The following FRMD4A variants were observed in gnomAD, a reference collection of about 807,000 sequenced individuals.
The protein encoded by FRMD4A is FERM domain containing 4A.
A neutral mutation model predicts 129.1 loss-of-function variants in FRMD4A; 29 were observed. That is an observed-to-expected ratio of 0.22 (90% CI 0.17 to 0.31). FRMD4A has a LOEUF of 0.31. Ranked by LOEUF, FRMD4A falls within the 10% of genes least tolerant of loss-of-function variation. The pLI is 1.00. For synonymous variants in FRMD4A, 634 were observed against 571.6 expected (o/e 1.11, Z -1.56); for missense variants, 1,272 against 1,375.8 (o/e 0.92, Z 1.19).
intron 2 of FRMD4A, among the ~76,000 whole-genome samples, chr10:13,923,045 T>A (rs1300160588): frequency 6.6e-6 from 1 of 152,138 alleles, no homozygotes; most frequent in Non-Finnish European, 1.5e-5. Context: ...CCTAGGGTAA[T>A]CATGTATTTT....
intron 2 of FRMD4A, among the ~76,000 whole-genome samples, chr10:14,071,276 A>T (rs1835305906): frequency 6.6e-6 from 1 of 152,206 alleles, no homozygotes; most frequent in African/African-American, 2.4e-5. Context: ...TCTCTAAGAG[A>T]CCAAGATTAA....
intron 2 of FRMD4A, among the ~76,000 whole-genome samples, chr10:14,009,097 G>A (rs1231178495): frequency 6.6e-6 from 1 of 152,126 alleles, no homozygotes; most frequent in Non-Finnish European, 1.5e-5. Context: ...CATCCATCAC[G>A]TCTGTCAATT....
At chr10:13,708,985 C>T (rs1000667497) in intron 12 of FRMD4A, among the ~76,000 whole-genome samples, 5 of 152,016 alleles carry the variant, frequency 3.3e-5, no homozygotes, top group Non-Finnish European at 7.4e-5. Context: ...TTTTCTGAGA[C>T]AGACTCTCAC....
intron 2 of FRMD4A, among the ~76,000 whole-genome samples, chr10:13,919,926 A>C (rs2095052865): frequency 6.6e-6 from 1 of 152,228 alleles, no homozygotes; most frequent in Admixed American, 6.5e-5. Flanking sequence ...TGACAGAGTC[A>C]GATCCTGTCT....
chr10:13,676,625 G>C (rs1181361275), intron 15 of FRMD4A, among the ~76,000 whole-genome samples: 2 of 152,098 alleles, frequency 1.3e-5, no homozygotes, highest in Non-Finnish European at 2.9e-5. Context: ...GTTAGAAACG[G>C]ACAGGTGTTA....
chr10:14,037,838 A>G (rs956685828), intron 2 of FRMD4A, among the ~76,000 whole-genome samples: 2 of 152,208 alleles, frequency 1.3e-5, no homozygotes, highest in Admixed American at 6.5e-5. Context: ...TTTTATTTCA[A>G]TTGATAATCT....
chr10:14,233,419 A>C (rs1040302589), intron 2 of FRMD4A, among the ~76,000 whole-genome samples: 3 of 786 alleles, frequency 3.8e-3, no homozygotes, highest in African/African-American at 4.9e-3. Context: ...AAAATATACA[A>C]AAAAATTAGC....
intron 2 of FRMD4A, among the ~76,000 whole-genome samples, chr10:14,305,242 AGGTT>A (rs1846311001): frequency 6.6e-6 from 1 of 152,228 alleles, no homozygotes; most frequent in South Asian, 2.1e-4. Flanking sequence ...GCTATTTACC[AGGTT>A]CATTATTCAC....
chr10:13,858,964 G>T (rs769458571), intron 2 of FRMD4A, 52 bp from the exon 3 acceptor site: 1 of 1,126,768 alleles, frequency 8.9e-7, no homozygotes. Flanking sequence ...CCAGACAAAG[G>T]GTTAGAGGGT....
intron 2 of FRMD4A, among the ~76,000 whole-genome samples, chr10:14,044,757 G>T (rs1472813677): frequency 6.6e-6 from 1 of 152,212 alleles, no homozygotes; most frequent in African/African-American, 2.4e-5. Context: ...GTGACATTTT[G>T]TTATGGGAGG....
At chr10:14,205,057 CTTTCTT>C (rs200176974) in intron 2 of FRMD4A, among the ~76,000 whole-genome samples, 2,875 of 118,880 alleles carry the variant, frequency 0.024, 71 homozygotes, top group East Asian at 0.11. Flanking sequence ...TTTTTCTTTT[CTTTCTT>C]TTTTTTTTTT....
chr10:13,794,163 G>A (rs778749863), intron 5 of FRMD4A, among the ~76,000 whole-genome samples: 4 of 152,020 alleles, frequency 2.6e-5, no homozygotes, highest in Non-Finnish European at 4.4e-5. Context: ...AGGCCGAGGC[G>A]GATGGATCAC....
In FRMD4A at chr10:13,659,433, G is replaced by A; in HGVS notation, c.1956C>T (p.Asn652=). The A allele has an allele frequency of 1.2e-6, 2 of 1,614,004 alleles. No individual in the cohort carries two copies. Among genetic ancestry groups the A allele is most frequent in the Non-Finnish European group, 1.7e-6 (2 of 1,180,002 alleles). ...CGCGGATGGGGCTGTTCTGCAAGGA[G>A]TTGCTTCCTCCGCCGGCTTCCGCAC... ...GSCAEAGGGS[N]SLQNSPIRGL... is the part of the protein sequence containing the mutation. The change falls in exon 21 of 25, where the codon AAC becomes AAT. Residue 652 remains asparagine, a synonymous_variant. Transcript: ENST00000357447.
At chr10:14,233,851 T>G (rs867474896) in intron 2 of FRMD4A, among the ~76,000 whole-genome samples, 1 of 152,254 alleles carries the variant, frequency 6.6e-6, no homozygotes, top group Non-Finnish European at 1.5e-5. Context: ...AGAATCTGCT[T>G]CAGATTTTAA....
At chr10:13,772,166 A>G (rs147374435) in intron 6 of FRMD4A, among the ~76,000 whole-genome samples, 1 of 135,758 alleles carries the variant, frequency 7.4e-6, no homozygotes, top group Non-Finnish European at 1.5e-5. Context: ...ATAATATATA[A>G]TATATTATAT....
chr10:13,786,483 G>A (rs181416445), intron 5 of FRMD4A, among the ~76,000 whole-genome samples: 105 of 152,246 alleles, frequency 6.9e-4, no homozygotes, highest in African/African-American at 2.2e-3. Context: ...GCGGACACCC[G>A]TAATCCCAGC....
chr10:13,739,123 T>C (rs1398479208), intron 11 of FRMD4A, among the ~76,000 whole-genome samples: 1 of 152,196 alleles, frequency 6.6e-6, no homozygotes, highest in Non-Finnish European at 1.5e-5. Flanking sequence ...GAAACTGGCA[T>C]CACGGTTTTG....
chr10:14,112,867 T>A (rs1837994061), intron 2 of FRMD4A, among the ~76,000 whole-genome samples: 1 of 152,196 alleles, frequency 6.6e-6, no homozygotes, highest in African/African-American at 2.4e-5. Context: ...AAAAGGAAAC[T>A]ATGCTTCCAA....
At chr10:13,665,363 TTC>T (rs1479377522) in intron 18 of FRMD4A, among the ~76,000 whole-genome samples, 1 of 152,122 alleles carries the variant, frequency 6.6e-6, no homozygotes, top group African/African-American at 2.4e-5. Flanking sequence ...CTATTCTACT[TTC>T]TGTCTTTCTA....
Sources: allele counts gnomAD v4.1 joint callset (sites outside exome capture counted in the v4.1 genomes callset), GRCh38; gene constraint gnomAD v4.1.1; transcripts MANE v1.5; gene names NCBI Gene and HGNC (gene_info 2026-07-23, HGNC 2026-07-21).